The following ZC3H18 variants were observed in gnomAD, a reference collection of about 807,000 sequenced individuals.
ZC3H18 encodes zinc finger CCCH-type containing 18, also known as zinc finger CCCH domain-containing protein 18.
In ZC3H18, 8 loss-of-function variants were observed where a neutral mutation model predicts 106.1. The ratio of observed to expected loss-of-function variants is 0.08; its 90% CI spans 0.04 to 0.14. ZC3H18 has a LOEUF of 0.14. Ranked by LOEUF, ZC3H18 falls within the 10% of genes least tolerant of loss-of-function variation. The pLI is 1.00. For missense variants in ZC3H18, 1,318 were observed against 1,278.4 expected (o/e 1.03, Z -0.47); for synonymous variants, 635 against 522.1 (o/e 1.22, Z -2.95).
intron 7 of ZC3H18, among the ~76,000 whole-genome samples, chr16:88,610,861 C>T (rs563633905): frequency 3.9e-5 from 6 of 152,360 alleles, no homozygotes; most frequent in African/African-American, 9.6e-5. Flanking sequence ...GGCCACACGG[C>T]GGAAGGCCAT....
intron 1 of ZC3H18, among the ~76,000 whole-genome samples, chr16:88,573,999 G>A (rs199952340): frequency 6.6e-6 from 1 of 150,756 alleles, no homozygotes; most frequent in Non-Finnish European, 1.5e-5. Context: ...TCAGCCTCCC[G>A]AGCAGCTGGG....
At chr16:88,588,009 G>A (rs987616945) in intron 3 of ZC3H18, among the ~76,000 whole-genome samples, 4 of 152,220 alleles carry the variant, frequency 2.6e-5, no homozygotes, top group Non-Finnish European at 5.9e-5. Flanking sequence ...TGCATGTGAG[G>A]GGCCCCTACT....
At chr16:88,581,527 G>A (rs569531845) in intron 2 of ZC3H18, among the ~76,000 whole-genome samples, 11 of 152,178 alleles carry the variant, frequency 7.2e-5, no homozygotes, top group Non-Finnish European at 1.0e-4. Context: ...TGGAAGTGCC[G>A]CTGGCCTGCG....
intron 2 of ZC3H18, among the ~76,000 whole-genome samples, chr16:88,581,667 A>G (rs1915138230): frequency 1.3e-5 from 2 of 152,316 alleles, no homozygotes; most frequent in South Asian, 4.1e-4. Context: ...CTGTTCAGGA[A>G]GCGGCATGGA....
At chr16:88,605,262 C>T (rs72809458) in intron 6 of ZC3H18, among the ~76,000 whole-genome samples, 3 of 152,188 alleles carry the variant, frequency 2.0e-5, no homozygotes, top group Non-Finnish European at 4.4e-5. Context: ...GCCCACAGTC[C>T]CACAGACTCA....
Position 88,625,285 on chromosome 16 carries a change from G to C in ZC3H18, c.2108+18G>C. 6.3e-7 allele frequency: 1 copy of C among 1,576,418 alleles called. No individual in the cohort carries two copies. The highest frequency in any genetic ancestry group is 8.6e-7 in the Non-Finnish European group (1 of 1,161,032). ...CGATCCAGGTCATCCCCATCACCCTGTGCCTCTGTTTCTCCCTCCCCGTCG... is the reference window on the plus strand; with the variant it reads ...CGATCCAGGTCATCCCCATCACCCTCTGCCTCTGTTTCTCCCTCCCCGTCG... On this transcript the variant is annotated intron_variant, in intron 13 of 17. Coordinates refer to ENST00000301011, the MANE Select transcript of ZC3H18 (RefSeq NM_144604.4).
intron 10 of ZC3H18, 77 bp from the exon 11 acceptor site, chr16:88,623,880 TG>T (rs1361654668): frequency 7.2e-6 from 11 of 1,527,860 alleles, no homozygotes; most frequent in Non-Finnish European, 9.7e-6. Context: ...TCCATGGGTC[TG>T]GGTGGGTCCT....
chr16:88,587,723 G>C lies in ZC3H18; in HGVS notation c.688+1039G>C, dbSNP rs1915518588. 3 of 1,135,898 alleles carry C rather than the reference G, an allele frequency of 2.6e-6. No homozygotes were observed. The Admixed American group carries it at 6.6e-5, about 25-fold the overall frequency. The allele number at this position is 1,135,898 out of a possible 1,614,324, so 70.4% of individuals were successfully genotyped here. On this transcript the variant is annotated intron_variant, in intron 3 of 17. Coordinates refer to ENST00000301011, the MANE Select transcript of ZC3H18 (RefSeq NM_144604.4). ...ACACAGCTGTGAAGCCAGAAGGAAA[G>C]GGGGTCTTTGAGGGGCAGAGAGCTG...
chr16:88,612,166 A>G (rs978610293), intron 8 of ZC3H18, among the ~76,000 whole-genome samples: 2 of 152,134 alleles, frequency 1.3e-5, no homozygotes, highest in Non-Finnish European at 2.9e-5. Flanking sequence ...TTTTCTCTCA[A>G]ATATACTTGA....
intron 1 of ZC3H18, among the ~76,000 whole-genome samples, chr16:88,571,190 C>G (rs954942370): frequency 6.6e-6 from 1 of 152,232 alleles, no homozygotes. Flanking sequence ...AACAGCCTTA[C>G]TCCTGCCAAA....
intron 3 of ZC3H18, among the ~76,000 whole-genome samples, chr16:88,589,449 T>C (rs1042121474): frequency 7.9e-5 from 12 of 152,258 alleles, no homozygotes; most frequent in African/African-American, 2.9e-4. Flanking sequence ...AAGTGTGGCC[T>C]GTCCATGCAG....
At chr16:88,600,889 G>T (rs1296638132) in intron 6 of ZC3H18, among the ~76,000 whole-genome samples, 1 of 152,256 alleles carries the variant, frequency 6.6e-6, no homozygotes, top group Non-Finnish European at 1.5e-5. Flanking sequence ...GATCTGAATT[G>T]GCACTCCATC....
Position 88,611,359 on chromosome 16 carries a change from A to C in ZC3H18, c.1298A>C (p.Glu433Ala). 1.1e-6 allele frequency: 1 copy of C among 897,818 alleles called. No individual in the cohort carries two copies. The highest frequency in any genetic ancestry group is 1.8e-6 in the Non-Finnish European group (1 of 550,632). The allele number at this position is 897,818 out of a possible 1,614,324, so 55.6% of individuals were successfully genotyped here. The part of the protein sequence containing the change: ...RDRERERRQR[E>A]RERERERERD... ...CGAGAGCGGGAGCGCCGGCAGAGGG[A>C]GCGCGAGCGAGAGCGGGAGCGCGAG... Residue 433 changes from glutamate to alanine, a missense_variant, in exon 8 of 18, where the codon GAG becomes GCG. This residue lies in a region of ZC3H18 where 848 missense variants were observed against 821.7 expected (regional missense o/e 1.03). Coordinates refer to ENST00000301011, the MANE Select transcript of ZC3H18 (RefSeq NM_144604.4).
At chr16:88,616,411 C>G (rs928242939) in intron 8 of ZC3H18, among the ~76,000 whole-genome samples, 1 of 152,224 alleles carries the variant, frequency 6.6e-6, no homozygotes, top group African/African-American at 2.4e-5. Flanking sequence ...TCGGAGCTGC[C>G]AGCAGCAGGG....
In ZC3H18 at chr16:88,627,966, G is replaced by A; in HGVS notation, c.2316G>A (p.Arg772=). 1 of 1,614,126 alleles carries A rather than the reference G, an allele frequency of 6.2e-7. No homozygotes were observed. Among genetic ancestry groups the A allele is most frequent in the Non-Finnish European group, 8.5e-7 (1 of 1,180,032 alleles). The change falls in exon 15 of 18, where the codon AGG becomes AGA. Residue 772 remains arginine (R), a synonymous_variant. Transcript: ENST00000301011. The surrounding 1 kb of genome is among the most constrained non-coding windows in gnomAD (Gnocchi z 4.5). ...GTGTTAAAGAGGAAAAGCGGAAAAG[G>A]GATTCGTCCACACAACCACCCAAAT... The part of the protein sequence containing the change: ...EDGVKEEKRK[R]DSSTQPPKSA...
rs148486651 is a variant in ZC3H18 at position 88,576,895 on chromosome 16, C to T, written c.-14-215C>T. ...TCTCATTTTGCCAGATTGCCAAAAA[C>T]GGGAGGCACTTAACACCCAGCTTAG... On this transcript the variant is annotated intron_variant, in intron 1 of 17. Transcript: ENST00000301011. Among the ~76,000 whole-genome samples the T allele has an allele frequency of 3.3e-3, 509 of 152,272 alleles. 5 individuals are homozygous for T. The highest frequency in any genetic ancestry group is 0.023 in the East Asian group (119 of 5,176).
intron 8 of ZC3H18, among the ~76,000 whole-genome samples, 156 bp downstream of exon 8, chr16:88,611,692 CAGAGCTCTCCA>C (rs1215050072): frequency 1.3e-5 from 2 of 152,236 alleles, no homozygotes; most frequent in Admixed American, 6.5e-5. Context: ...GTTCCAAACC[CAGAGCTCTCCA>C]ACGCAGGGCC....
rs765701784 is a variant in ZC3H18 at position 88,586,671 on chromosome 16, G to T, written c.675G>T (p.Arg225=). 8.7e-6 allele frequency: 14 copies of T among 1,614,064 alleles called. No homozygotes were observed. Among genetic ancestry groups the T allele is most frequent in the South Asian group, 3.3e-5 (3 of 91,084 alleles). The change falls in exon 3 of 18, where the codon CGG becomes CGT. Residue 225 remains arginine (R), a synonymous_variant. Transcript: ENST00000301011. ...DRKVRPRPTC[R]FFMKGNCTWG... is the part of the protein sequence containing the mutation. ...AGGTGAGGCCTCGTCCCACCTGCCGGTTCTTCATGAAAGGTAATTGTCTGC... is the reference window on the plus strand; with the variant it reads ...AGGTGAGGCCTCGTCCCACCTGCCGTTTCTTCATGAAAGGTAATTGTCTGC...
intron 2 of ZC3H18, among the ~76,000 whole-genome samples, chr16:88,579,255 G>C (rs1389789357): frequency 6.6e-6 from 1 of 152,200 alleles, no homozygotes; most frequent in Non-Finnish European, 1.5e-5. Flanking sequence ...AGAGGGAAAG[G>C]AGAGACGGTG....
Sources: allele counts gnomAD v4.1 joint callset (sites outside exome capture counted in the v4.1 genomes callset), GRCh38; gene constraint gnomAD v4.1.1; regional missense constraint gnomAD v4.1.1; non-coding constraint Gnocchi (gnomAD v3.1); transcripts MANE v1.5; gene names NCBI Gene and HGNC (gene_info 2026-07-23, HGNC 2026-07-21).